The following WDHD1 variants were observed in gnomAD, a reference collection of about 807,000 sequenced individuals.
The protein encoded by WDHD1 is WD repeat and HMG-box DNA-binding protein 1.
A neutral mutation model predicts 135.4 loss-of-function variants in WDHD1; 111 were observed. The ratio of observed to expected loss-of-function variants is 0.82; its 90% CI spans 0.70 to 0.96. WDHD1 has a LOEUF of 0.96. WDHD1 is among the 40% of genes least tolerant of loss of function. The pLI is 0.00. For missense variants in WDHD1, 1,351 were observed against 1,336.3 expected (o/e 1.01, Z -0.17); for synonymous variants, 434 against 439.0 (o/e 0.99, Z 0.14).
At chr14:54,982,156 G>A (rs1036566792) in intron 15 of WDHD1, among the ~76,000 whole-genome samples, 6 of 151,682 alleles carry the variant, frequency 4.0e-5, no homozygotes, top group Admixed American at 1.3e-4. Context: ...ACAGGCACCC[G>A]CCACCACGCC....
At chr14:54,958,460 T>C (rs906268540) in intron 21 of WDHD1, among the ~76,000 whole-genome samples, 1 of 152,156 alleles carries the variant, frequency 6.6e-6, no homozygotes, top group African/African-American at 2.4e-5. Context: ...CTGTTGACAC[T>C]ATTATCATTT....
At chr14:54,984,890 C>T in intron 14 of WDHD1, 30 bp from the exon 15 acceptor site, 1 of 1,601,528 alleles carries the variant, frequency 6.2e-7, no homozygotes, top group Non-Finnish European at 8.5e-7. Context: ...ATAAATCAGG[C>T]ATCAAAGGTT....
At chr14:54,942,290 A>G (rs1401248327) in intron 25 of WDHD1, among the ~76,000 whole-genome samples, 1 of 151,814 alleles carries the variant, frequency 6.6e-6, no homozygotes, top group Non-Finnish European at 1.5e-5. Flanking sequence ...AATAAAAATG[A>G]AACTTTTTAT....
rs2040843797 is a variant in WDHD1 at position 54,941,835 on chromosome 14, A to G, written c.3190-145T>C. The G allele has an allele frequency of 2.2e-5, 15 of 678,002 alleles. No individual in the cohort carries two copies. In the East Asian group the frequency reaches 3.9e-4, roughly 18 times the overall value. The allele number at this position is 678,002 out of a possible 1,614,324, so 42.0% of individuals were successfully genotyped here. A position where few individuals can be genotyped will look rare whatever the true frequency, so the allele number is the denominator to read the frequency against. ...GAATTAAGTGTTCTCATTGTTAACA[A>G]ATCTTTTATTACTTAAATGCAGAGC... On this transcript the variant is annotated intron_variant, in intron 25 of 25. Coordinates refer to ENST00000360586, the MANE Select transcript of WDHD1 (RefSeq NM_007086.4).
intron 10 of WDHD1, among the ~76,000 whole-genome samples, chr14:54,998,853 C>A (rs2041931913): frequency 6.6e-6 from 1 of 152,034 alleles, no homozygotes; most frequent in South Asian, 2.1e-4. Flanking sequence ...CTATTCATGG[C>A]TGAATAATAA....
At chr14:54,966,188 A>AAT (rs2041339742) in intron 18 of WDHD1, among the ~76,000 whole-genome samples, 1 of 149,608 alleles carries the variant, frequency 6.7e-6, no homozygotes, top group Non-Finnish European at 1.5e-5. Flanking sequence ...AAAAAAAAAA[A>AAT]TTAGCTAGGC....
chr14:54,973,998 A>G (rs1224833707), intron 16 of WDHD1, among the ~76,000 whole-genome samples: 1 of 152,218 alleles, frequency 6.6e-6, no homozygotes, highest in Admixed American at 6.5e-5. Context: ...ATTCAAGGAA[A>G]AAACAAACAC....
intron 23 of WDHD1, 79 bp from the exon 24 acceptor site, chr14:54,955,773 AAG>A (rs1172695921): frequency 2.5e-6 from 3 of 1,201,190 alleles, no homozygotes; most frequent in Admixed American, 3.4e-5. Context: ...GAAAAATGTG[AAG>A]AAACATCTAT....
chr14:54,982,948 T>C lies in WDHD1; in HGVS notation c.1907-1252A>G, dbSNP rs542532471. ...GAGAGGCTGAGGCAGGTGGATCACC[T>C]GATGCCAGGAGTTCAAAACCAGCCT... is the stretch of plus-strand genomic sequence containing the variant. On this transcript the variant is annotated intron_variant, in intron 15 of 25. Coordinates refer to ENST00000360586, the MANE Select transcript of WDHD1 (RefSeq NM_007086.4). Among the ~76,000 whole-genome samples the C allele has an allele frequency of 1.7e-4, 26 of 152,250 alleles. No homozygotes were observed. In the East Asian group the frequency reaches 4.8e-3, roughly 28 times the overall value.
intron 24 of WDHD1, among the ~76,000 whole-genome samples, chr14:54,954,417 T>A (rs2041117151): frequency 6.6e-6 from 1 of 152,232 alleles, no homozygotes; most frequent in Non-Finnish European, 1.5e-5. Flanking sequence ...TATAAAATGA[T>A]ACAACATCAA....
chr14:54,961,387 A>G (rs1250549797), intron 21 of WDHD1, among the ~76,000 whole-genome samples: 2 of 152,170 alleles, frequency 1.3e-5, no homozygotes, highest in Non-Finnish European at 1.5e-5. Context: ...GATCTGCATG[A>G]CTTGGCTCCT....
intron 2 of WDHD1, among the ~76,000 whole-genome samples, chr14:55,018,893 C>T (rs1318312951): frequency 6.6e-6 from 1 of 152,148 alleles, no homozygotes; most frequent in African/African-American, 2.4e-5. Flanking sequence ...CATGGTGGCG[C>T]ATGCCTGTAA....
intron 3 of WDHD1, among the ~76,000 whole-genome samples, chr14:55,011,040 C>T (rs150312887): frequency 1.9e-4 from 29 of 152,310 alleles, no homozygotes; most frequent in African/African-American, 5.3e-4. Context: ...CCAACCATGA[C>T]GACACCTTGA....
chr14:54,948,168 C>T (rs1380459765), intron 24 of WDHD1, among the ~76,000 whole-genome samples: 1 of 152,042 alleles, frequency 6.6e-6, no homozygotes, highest in African/African-American at 2.4e-5. Context: ...ACTGAGGTAC[C>T]AGGTTCATCT....
At chr14:55,008,420 A>C in intron 5 of WDHD1, 54 bp from the exon 6 acceptor site, 3 of 1,558,584 alleles carry the variant, frequency 1.9e-6, no homozygotes, top group Admixed American at 1.9e-5. Context: ...TACTACATGG[A>C]AAGTGGTTCA....
chr14:54,996,327 C>T (rs1262774522), intron 10 of WDHD1, among the ~76,000 whole-genome samples: 1 of 152,058 alleles, frequency 6.6e-6, no homozygotes, highest in Non-Finnish European at 1.5e-5. Flanking sequence ...CTACATAAAG[C>T]CCCAGCATGG....
At chr14:55,007,933 C>T (rs981295349) in intron 6 of WDHD1, among the ~76,000 whole-genome samples, 4 of 152,146 alleles carry the variant, frequency 2.6e-5, no homozygotes, top group Non-Finnish European at 4.4e-5. Context: ...TATTAGGCTG[C>T]ATTTGAATAA....
intron 23 of WDHD1, 118 bp downstream of exon 23, chr14:54,956,916 C>T: frequency 3.0e-6 from 4 of 1,317,050 alleles, no homozygotes; most frequent in Non-Finnish European, 3.1e-6. Context: ...ACCCACTTCC[C>T]TAGCAAGACA....
rs12432234 is a variant in WDHD1, at chr14:54,985,088, G to C, written c.1769-228C>G. On this transcript the variant is annotated intron_variant, in intron 14 of 25. Coordinates refer to ENST00000360586, the MANE Select transcript of WDHD1 (RefSeq NM_007086.4). ...TATAAGTGGGCATTTATTCACTCAA[G>C]ACATATTTACAGAGAGCTTACTACA... Among the ~76,000 whole-genome samples the C allele has an allele frequency of 5.7e-3, 861 of 152,208 alleles. 35 individuals are homozygous for C. The highest frequency in any genetic ancestry group is 0.052 in the Admixed American group (796 of 15,280).
Sources: allele counts gnomAD v4.1 joint callset (sites outside exome capture counted in the v4.1 genomes callset), GRCh38; gene constraint gnomAD v4.1.1; transcripts MANE v1.5; gene names NCBI Gene and HGNC (gene_info 2026-07-23, HGNC 2026-07-21).